The following RCBTB1 variants were observed in gnomAD, a reference collection of about 807,000 sequenced individuals.
RCBTB1 encodes RCC1 and BTB domain-containing protein 1.
RCBTB1 carries 46 observed loss-of-function variants against 62.4 expected under a neutral mutation model. The ratio of observed to expected loss-of-function variants is 0.74; its 90% CI spans 0.58 to 0.94. The LOEUF is 0.94. Among genes scored for constraint, RCBTB1 ranks in the 40% least tolerant of loss-of-function variants. The pLI is 0.00. For missense variants in RCBTB1, 565 were observed against 654.9 expected (o/e 0.86, Z 1.50); for synonymous variants, 222 against 245.8 (o/e 0.90, Z 0.91).
intron 4 of RCBTB1, among the ~76,000 whole-genome samples, chr13:49,565,882 A>C (rs1261354927): frequency 6.6e-6 from 1 of 151,814 alleles, no homozygotes; most frequent in Non-Finnish European, 1.5e-5. Flanking sequence ...GTGTAGAAAG[A>C]AGTAGACATA....
At chr13:49,573,436 A>G (rs1046458008) in intron 2 of RCBTB1, among the ~76,000 whole-genome samples, 3 of 145,052 alleles carry the variant, frequency 2.1e-5, no homozygotes, top group Non-Finnish European at 3.0e-5. Context: ...GAAATTAGAT[A>G]CAATTCCTCA....
Position 49,567,161 on chromosome 13 carries a change from T to C in RCBTB1, c.119A>G (p.Asn40Ser), listed in dbSNP as rs760590355. 9.9e-6 allele frequency: 16 copies of C among 1,613,910 alleles called. No individual in the cohort carries two copies. In the African/African-American group the frequency reaches 2.0e-4, roughly 20 times the overall value. ...SASEALYVTD[N>S]DEVFVFGLNY... The stretch of plus-strand genomic sequence containing the variant: ...GTTTCAAGAGACTCTTACCTCATCA[T>C]TGTCAGTAACGTACAGTGCTTCACT... The change falls in exon 3 of 13, where the codon AAT (asparagine) becomes AGT (serine). Residue 40 changes from asparagine (N) to serine (S), a missense_variant. Physicochemically the swap from Asn to Ser is conservative, Grantham distance 46. Coordinates refer to ENST00000378302, the MANE Select transcript of RCBTB1 (RefSeq NM_018191.4).
intron 5 of RCBTB1, among the ~76,000 whole-genome samples, chr13:49,557,302 T>C (rs1055059766): frequency 1.6e-4 from 25 of 152,002 alleles, no homozygotes; most frequent in Non-Finnish European, 3.2e-4. Flanking sequence ...ATGACAAGAC[T>C]TGACCAAAGG....
chr13:49,537,956 G>A (rs541861757), intron 12 of RCBTB1: 2 of 152,142 alleles, frequency 1.3e-5, no homozygotes, highest in Admixed American at 6.5e-5. Flanking sequence ...TTGTCAAAAC[G>A]GGGCATGGAG....
rs754407540 is a variant in RCBTB1 at position 49,549,478 on chromosome 13, G to A, written c.1025C>T (p.Ser342Leu). The A allele has an allele frequency of 5.0e-5, 81 of 1,611,200 alleles. No individual in the cohort carries two copies. Among genetic ancestry groups the A allele is most frequent in the African/African-American group, 4.0e-5 (3 of 74,812 alleles). The change falls in exon 9 of 13, where the codon TCG becomes TTG. Residue 342 changes from serine to leucine, a missense_variant. Physicochemically the swap from Ser to Leu is moderately radical, Grantham distance 145. Coordinates refer to ENST00000378302, the MANE Select transcript of RCBTB1 (RefSeq NM_018191.4). ...VFACFATPAV[S>L]WRLLSVEHED... ...CTTACCCACAGACAGGAGGCGCCAC[G>A]AGACGGCGGGAGTGGCAAAGCAGGC...
At chr13:49,571,215 A>C (rs1203111877) in intron 2 of RCBTB1, among the ~76,000 whole-genome samples, 3 of 152,078 alleles carry the variant, frequency 2.0e-5, no homozygotes, top group African/African-American at 7.2e-5. Flanking sequence ...GCATGGTGGC[A>C]CATGCCTGTA....
intron 6 of RCBTB1, among the ~76,000 whole-genome samples, chr13:49,552,609 C>G (rs2139188561): frequency 6.6e-6 from 1 of 152,140 alleles, no homozygotes; most frequent in Non-Finnish European, 1.5e-5. Context: ...AGTTTTTGGT[C>G]ACAGTTTAAC....
intron 2 of RCBTB1, among the ~76,000 whole-genome samples, chr13:49,569,801 G>T (rs1486069248): frequency 1.3e-5 from 2 of 152,068 alleles, no homozygotes; most frequent in African/African-American, 4.8e-5. Flanking sequence ...CAGTTACTCA[G>T]GAGGCTGAGG....
chr13:49,581,805 C>T (rs1180065570), intron 1 of RCBTB1, among the ~76,000 whole-genome samples: 4 of 152,066 alleles, frequency 2.6e-5, no homozygotes, highest in Non-Finnish European at 4.4e-5. Context: ...AGACACCAAA[C>T]GAGGGAAGGG....
chr13:49,559,736 T>A (rs1320336695), intron 5 of RCBTB1, among the ~76,000 whole-genome samples, 182 bp downstream of exon 5: 1 of 151,822 alleles, frequency 6.6e-6, no homozygotes, highest in East Asian at 1.9e-4. Context: ...GGGACAGCGT[T>A]TCAGTTTTGC....
At chr13:49,553,835 G>T (rs1253079345) in intron 6 of RCBTB1, among the ~76,000 whole-genome samples, 1 of 152,144 alleles carries the variant, frequency 6.6e-6, no homozygotes, top group African/African-American at 2.4e-5. Flanking sequence ...ATGGCTATCA[G>T]TATTTCAAAT....
intron 4 of RCBTB1, among the ~76,000 whole-genome samples, chr13:49,562,031 A>G (rs1487795074): frequency 1.3e-5 from 2 of 151,500 alleles, no homozygotes; most frequent in African/African-American, 4.9e-5. Flanking sequence ...TGAACCCAGG[A>G]GGCGGAGGTT....
rs138797685 is a variant in RCBTB1, at chr13:49,569,510, G to A, written c.-41-2190C>T. Among the ~76,000 whole-genome samples the A allele has an allele frequency of 6.4e-4, 97 of 152,086 alleles. 2 individuals carry two copies. The East Asian group carries it at 0.015, about 23-fold the overall frequency. ...GTAGATCACTTGAGGTCAAGAGTTC[G>A]TGACCAGCCTGGCAAACATAGTGAA... On this transcript the variant is annotated intron_variant, in intron 2 of 12. Transcript: ENST00000378302.
rs1373489174 is a variant in RCBTB1, at chr13:49,566,731, C to T, written c.164G>A (p.Gly55Glu). The part of the protein sequence containing the change: ...VFGLNYSNCL[G>E]TGDNQSTLVP... ...AAGTGTACTCTGGTTATCTCCAGTT[C>T]CTAGACAGTTACTATAGTTCAGTCC... is the stretch of plus-strand genomic sequence containing the variant. Residue 55 changes from glycine to glutamate, a missense_variant, in exon 4 of 13, where the codon GGA (glycine) becomes GAA (glutamate). Gly to Glu is a moderately conservative substitution (Grantham distance 98). Transcript: ENST00000378302. 3 of 1,613,900 alleles carry T rather than the reference C, an allele frequency of 1.9e-6. No individual in the cohort carries two copies. Among genetic ancestry groups the T allele is most frequent in the South Asian group, 2.2e-5 (2 of 91,038 alleles).
chr13:49,534,499 A>AACACACACGCGCGCGCAC (rs1203245038), intron 12 of RCBTB1, among the ~76,000 whole-genome samples: 5 of 152,098 alleles, frequency 3.3e-5, no homozygotes, highest in African/African-American at 1.2e-4. Context: ...GACTCTTCAA[A>AACACACACGCGCGCGCAC]ACACACACGC....
Position 49,551,565 on chromosome 13 carries a change from A to G in RCBTB1, c.712-97T>C, listed in dbSNP as rs1961344010. 2.2e-6 allele frequency: 3 copies of G among 1,351,686 alleles called. No homozygotes were observed. In the East Asian group the frequency reaches 7.1e-5, roughly 32 times the overall value. The allele number at this position is 1,351,686 out of a possible 1,614,324, so 83.7% of individuals were successfully genotyped here. ...TATAGCCAGCTTCTGCAGAATGCCA[A>G]ATCATCATCAGGGGTGGACTGACAT... On this transcript the variant is annotated intron_variant, in intron 7 of 12. Transcript: ENST00000378302.
At chr13:49,562,950 T>C (rs1962568451) in intron 4 of RCBTB1, among the ~76,000 whole-genome samples, 1 of 151,244 alleles carries the variant, frequency 6.6e-6, no homozygotes. Context: ...TCATGAAATA[T>C]TACAAGAAGA....
At chr13:49,535,803 T>C (rs1959893729) in intron 12 of RCBTB1, among the ~76,000 whole-genome samples, 2 of 152,098 alleles carry the variant, frequency 1.3e-5, no homozygotes, top group African/African-American at 4.8e-5. Context: ...TGCGGGCAGA[T>C]CACGAGGTCA....
intron 2 of RCBTB1, among the ~76,000 whole-genome samples, chr13:49,574,409 A>G (rs1051419508): frequency 6.6e-6 from 1 of 152,246 alleles, no homozygotes; most frequent in Admixed American, 6.5e-5. Flanking sequence ...GTGAGCCACC[A>G]TGCTCGGCCA....
Sources: allele counts gnomAD v4.1 joint callset (sites outside exome capture counted in the v4.1 genomes callset), GRCh38; gene constraint gnomAD v4.1.1; transcripts MANE v1.5; gene names NCBI Gene and HGNC (gene_info 2026-07-23, HGNC 2026-07-21).